TCEA1: variants seen among roughly 807,000 people sequenced by gnomAD.
TCEA1 encodes transcription elongation factor A protein 1.
In TCEA1, 21 loss-of-function variants were observed where a neutral mutation model predicts 43.8. The ratio of observed to expected loss-of-function variants is 0.48; its 90% CI spans 0.34 to 0.69. TCEA1 has a LOEUF of 0.69. Ranked by LOEUF, TCEA1 falls within the 30% of genes least tolerant of loss-of-function variation. The pLI, the probability that TCEA1 is intolerant of heterozygous loss-of-function variation, is 0.01. For missense variants in TCEA1, 250 were observed against 365.1 expected (o/e 0.68, Z 2.57); for synonymous variants, 104 against 117.5 (o/e 0.88, Z 0.75).
intron 4 of TCEA1, 103 bp from the exon 5 acceptor site, chr8:53,988,362 T>C: frequency 7.3e-7 from 1 of 1,373,596 alleles, no homozygotes; most frequent in Non-Finnish European, 9.8e-7. Context: ...TCTAAATAAA[T>C]GACACAGTAT....
intron 8 of TCEA1, among the ~76,000 whole-genome samples, chr8:53,976,142 G>GT (rs1803324645): frequency 6.6e-6 from 1 of 152,120 alleles, no homozygotes; most frequent in African/African-American, 2.4e-5. Flanking sequence ...TAATGTTGCA[G>GT]TTAGAATAAG....
intron 5 of TCEA1, among the ~76,000 whole-genome samples, chr8:53,987,673 A>T (rs1439338674): frequency 6.6e-6 from 1 of 152,204 alleles, no homozygotes; most frequent in African/African-American, 2.4e-5. Flanking sequence ...AATTAAATTA[A>T]GCTCCCATAT....
intron 8 of TCEA1, chr8:53,972,647 A>C (rs183579863): frequency 8.3e-5 from 51 of 614,224 alleles, no homozygotes; most frequent in Non-Finnish European, 1.3e-4. Flanking sequence ...GGGTGAAGGA[A>C]GAGCAAGTTT....
chr8:54,018,441 G>C (rs1323144602), intron 1 of TCEA1, among the ~76,000 whole-genome samples: 8 of 152,116 alleles, frequency 5.3e-5, no homozygotes, highest in Non-Finnish European at 1.2e-4. Context: ...TCCTACACTA[G>C]AAGCATTTTA....
rs1803022485 is a variant in TCEA1, at chr8:53,967,600, TA to T, written c.*503del. 5.0e-6 allele frequency: 1 copy of T among 200,782 alleles called. No individual in the cohort carries two copies. Among genetic ancestry groups the T allele is most frequent in the South Asian group, 1.9e-4 (1 of 5,246 alleles). The allele number at this position is 200,782 out of a possible 1,614,324, so 12.4% of individuals were successfully genotyped here. A position where few individuals can be genotyped will look rare whatever the true frequency, so the allele number is the denominator to read the frequency against. ...TCAAATTCATAAGCTACCTCAAAAT[TA>T]TGTACATTTTAGATAAGCTGGTCAA... On this transcript the variant is annotated 3_prime_UTR_variant, in exon 10 of 10. Coordinates refer to ENST00000521604, the MANE Select transcript of TCEA1 (RefSeq NM_006756.4).
At chr8:53,985,099 C>T (rs541081163) in intron 6 of TCEA1, among the ~76,000 whole-genome samples, 22 of 152,088 alleles carry the variant, frequency 1.4e-4, no homozygotes, top group Non-Finnish European at 2.8e-4. Context: ...CTGCAACCTC[C>T]ACCTCCCGGG....
At chr8:54,016,760 G>A (rs985124054) in intron 1 of TCEA1, among the ~76,000 whole-genome samples, 1 of 152,048 alleles carries the variant, frequency 6.6e-6, no homozygotes, top group African/African-American at 2.4e-5. Context: ...CGGATTATGA[G>A]GTCAGGAGTT....
intron 4 of TCEA1, among the ~76,000 whole-genome samples, chr8:53,992,652 C>T (rs1000850077): frequency 7.8e-4 from 119 of 152,268 alleles, no homozygotes; most frequent in African/African-American, 2.7e-3. Flanking sequence ...ATTCCTGATT[C>T]AGTAGTTACA....
chr8:53,984,595 T>A, intron 6 of TCEA1, 78 bp from the exon 7 acceptor site: 1 of 1,324,668 alleles, frequency 7.5e-7, no homozygotes, highest in Non-Finnish European at 1.0e-6. Flanking sequence ...AAAATAAGAA[T>A]TCCTGAGGCC....
At chr8:53,992,495 A>G (rs571750143) in intron 4 of TCEA1, among the ~76,000 whole-genome samples, 5 of 152,076 alleles carry the variant, frequency 3.3e-5, no homozygotes, top group Non-Finnish European at 5.9e-5. Context: ...CTGTAATCCC[A>G]GCTACTTGGG....
intron 3 of TCEA1, among the ~76,000 whole-genome samples, chr8:53,995,591 C>A (rs1446389843): frequency 6.6e-6 from 1 of 152,194 alleles, no homozygotes; most frequent in African/African-American, 2.4e-5. Context: ...ATAAAGAATT[C>A]TTTCAATTCT....
At chr8:53,970,100 C>T (rs927045836) in intron 9 of TCEA1, among the ~76,000 whole-genome samples, 8 of 152,090 alleles carry the variant, frequency 5.3e-5, no homozygotes, top group African/African-American at 1.9e-4. Flanking sequence ...GTCAAAACAA[C>T]TTAATGAATA....
At chr8:53,969,503 A>C (rs934631283) in intron 9 of TCEA1, among the ~76,000 whole-genome samples, 1 of 152,194 alleles carries the variant, frequency 6.6e-6, no homozygotes, top group Non-Finnish European at 1.5e-5. Context: ...AAATGAAAAA[A>C]AAAAGAATCT....
chr8:53,970,724 A>AT (rs1214122247), intron 8 of TCEA1, among the ~76,000 whole-genome samples: 1 of 152,154 alleles, frequency 6.6e-6, no homozygotes, highest in African/African-American at 2.4e-5. Context: ...CACACCTTAT[A>AT]TTTTTTATAA....
intron 3 of TCEA1, chr8:53,999,588 T>C (rs183702351): frequency 8.3e-5 from 18 of 215,738 alleles, no homozygotes; most frequent in Admixed American, 1.7e-4. Context: ...ATTGATGATA[T>C]GGATAAAGGA....
intron 1 of TCEA1, among the ~76,000 whole-genome samples, chr8:54,014,716 C>T (rs955855336): frequency 6.6e-6 from 1 of 152,144 alleles, no homozygotes; most frequent in Admixed American, 6.5e-5. Flanking sequence ...TACGAACATC[C>T]CTCTCCTCAA....
At chr8:54,018,982 C>T (rs1197380566) in intron 1 of TCEA1, among the ~76,000 whole-genome samples, 4 of 152,148 alleles carry the variant, frequency 2.6e-5, no homozygotes, top group Non-Finnish European at 5.9e-5. Context: ...AGCTATTTGG[C>T]TTAAGACTAT....
chr8:53,975,864 T>A (rs1803316530), intron 8 of TCEA1, among the ~76,000 whole-genome samples: 1 of 152,208 alleles, frequency 6.6e-6, no homozygotes, highest in Non-Finnish European at 1.5e-5. Flanking sequence ...AAATAACTGG[T>A]TAAGTTGGGA....
At chr8:54,022,040 C>G (rs1358710475) in intron 1 of TCEA1, 23 bp downstream of exon 1, 1 of 1,579,246 alleles carries the variant, frequency 6.3e-7, no homozygotes, top group African/African-American at 1.4e-5. Context: ...TCCCTCCCGG[C>G]CCGCGCCGCT....
Sources: allele counts gnomAD v4.1 joint callset (sites outside exome capture counted in the v4.1 genomes callset), GRCh38; gene constraint gnomAD v4.1.1; transcripts MANE v1.5; gene names NCBI Gene and HGNC (gene_info 2026-07-23, HGNC 2026-07-21).